RBMS3: variants seen among roughly 807,000 people sequenced by gnomAD.
The protein encoded by RBMS3 is RNA binding motif single stranded interacting protein 3.
RBMS3 carries 27 observed loss-of-function variants against 66.8 expected under a neutral mutation model. The ratio of observed to expected loss-of-function variants is 0.40; its 90% confidence interval spans 0.30 to 0.56. The LOEUF (loss-of-function observed/expected upper bound fraction) is 0.56. Among genes scored for constraint, RBMS3 ranks in the 20% least tolerant of loss-of-function variants. The probability of loss-of-function intolerance (pLI) is 0.40; values close to 1 mark genes in which losing one functional copy is unlikely to be tolerated. For missense variants in RBMS3, 513 were observed against 549.5 expected (o/e 0.93, Z 0.66); for synonymous variants, 188 against 183.0 (o/e 1.03, Z -0.22).
At chr3:29,368,056 C>T (rs13074905) in intron 1 of RBMS3, among the ~76,000 whole-genome samples, 64,901 of 151,978 alleles carry the variant, frequency 0.43, 14,517 homozygotes, top group Non-Finnish European at 0.49. Context: ...CTGTAACTAG[C>T]TCTTCACATC....
At chr3:29,944,531 T>G (rs1695166076) in intron 12 of RBMS3, among the ~76,000 whole-genome samples, 1 of 151,776 alleles carries the variant, frequency 6.6e-6, no homozygotes, top group African/African-American at 2.4e-5. Context: ...GAGTCTGTGT[T>G]CTGTGTATCA....
At chr3:29,992,274 C>A (rs929260207) in intron 14 of RBMS3, among the ~76,000 whole-genome samples, 1 of 151,918 alleles carries the variant, frequency 6.6e-6, no homozygotes, top group Admixed American at 6.6e-5. Context: ...AAAGTAATTG[C>A]GGTTTTTGCC....
intron 3 of RBMS3, among the ~76,000 whole-genome samples, chr3:29,509,721 C>A (rs1275578652): frequency 6.6e-6 from 1 of 152,128 alleles, no homozygotes; most frequent in African/African-American, 2.4e-5. Context: ...TCTGTTCTCC[C>A]AAAAGTATAC....
chr3:29,990,602 G>C (rs1698792090), intron 13 of RBMS3, among the ~76,000 whole-genome samples: 2 of 151,984 alleles, frequency 1.3e-5, no homozygotes, highest in African/African-American at 4.8e-5. Context: ...CAAATTACTG[G>C]AGAGAAAAAT....
chr3:29,667,850 A>T (rs1035432943), intron 4 of RBMS3, among the ~76,000 whole-genome samples: 1 of 152,186 alleles, frequency 6.6e-6, no homozygotes, highest in Non-Finnish European at 1.5e-5. Flanking sequence ...TGTCAGGATG[A>T]AAAATCATAT....
chr3:29,521,471 G>T (rs572838089), intron 3 of RBMS3, among the ~76,000 whole-genome samples: 1 of 152,304 alleles, frequency 6.6e-6, no homozygotes, highest in East Asian at 1.9e-4. Flanking sequence ...TGGGAATACA[G>T]CAGTAATCCT....
chr3:29,854,915 A>G (rs938750827), intron 6 of RBMS3, among the ~76,000 whole-genome samples: 1 of 152,156 alleles, frequency 6.6e-6, no homozygotes. Context: ...GATGCCTGCA[A>G]TTGACTGTAC....
chr3:29,320,936 T>TAA (rs527826804), intron 1 of RBMS3, among the ~76,000 whole-genome samples: 4 of 144,560 alleles, frequency 2.8e-5, no homozygotes, highest in Admixed American at 7.0e-5. Context: ...TTTGTGAATG[T>TAA]AAAAAAAAAA....
intron 6 of RBMS3, among the ~76,000 whole-genome samples, chr3:29,862,256 T>A (rs2059233898): frequency 6.6e-6 from 1 of 151,832 alleles, no homozygotes; most frequent in Non-Finnish European, 1.5e-5. Flanking sequence ...GGCCCAAGAG[T>A]CTACATTTCT....
chr3:29,649,019 G>A (rs76464562), intron 4 of RBMS3, among the ~76,000 whole-genome samples: 3,080 of 152,166 alleles, frequency 0.02, 41 homozygotes, highest in Admixed American at 0.029. Flanking sequence ...AACTAACATG[G>A]TAACTTTGTC....
At chr3:29,826,675 A>C (rs2149482081) in intron 6 of RBMS3, among the ~76,000 whole-genome samples, 1 of 152,236 alleles carries the variant, frequency 6.6e-6, no homozygotes, top group Middle Eastern at 3.4e-3. Flanking sequence ...CTAATTACTT[A>C]ACTTTTTCAG....
intron 4 of RBMS3, among the ~76,000 whole-genome samples, chr3:29,607,760 T>A (rs2149128187): frequency 6.6e-6 from 1 of 152,114 alleles, no homozygotes; most frequent in Non-Finnish European, 1.5e-5. Context: ...TATTCTCTGT[T>A]TAAAGTTCCC....
intron 12 of RBMS3, among the ~76,000 whole-genome samples, chr3:29,955,577 G>A (rs558882298): frequency 4.5e-4 from 69 of 152,006 alleles, no homozygotes; most frequent in Admixed American, 1.1e-3. Flanking sequence ...CACTGGACCC[G>A]TGAAACAGCT....
chr3:29,384,435 T>TAATAATAATAATAAGAAGAAGAAG (rs776357215), intron 1 of RBMS3, among the ~76,000 whole-genome samples: 152 of 141,098 alleles, frequency 1.1e-3, no homozygotes, highest in South Asian at 2.2e-3. Flanking sequence ...ATAATAATAA[T>TAATAATAATAATAAGAAGAAGAAG]AAGAAGAAGA....
rs538672497 is a variant in RBMS3 at position 29,353,805 on chromosome 3, A to T, written c.75+72049A>T. Among the ~76,000 whole-genome samples, 8 of 152,244 alleles carry T rather than the reference A, an allele frequency of 5.3e-5. No individual in the cohort carries two copies. The South Asian group carries it at 1.7e-3, about 32-fold the overall frequency. ...TCCAATTATAAACCAGGAAAAAGAG[A>T]GATCAACACTTGTATTTTAACACAT... On this transcript the variant is annotated intron_variant, in intron 1 of 14. Transcript: ENST00000383767.
chr3:29,296,751 G>C (rs2033295867), intron 1 of RBMS3, among the ~76,000 whole-genome samples: 1 of 151,714 alleles, frequency 6.6e-6, no homozygotes. Context: ...ATTTCTGATA[G>C]TAGTTAATCC....
intron 1 of RBMS3, among the ~76,000 whole-genome samples, chr3:29,365,812 T>C (rs1445786443): frequency 6.6e-6 from 1 of 152,228 alleles, no homozygotes; most frequent in African/African-American, 2.4e-5. Flanking sequence ...CCAATTTTTC[T>C]AGTTCCCTAA....
Position 29,884,469 on chromosome 3 carries a change from T to TCTCTCTCTAC in RBMS3, c.791+262_791+263insTCTCTCTACC, listed in dbSNP as rs1553692501. ...CTCTCTCTCTCTCTCTCTCTCTCTC[T>TCTCTCTCTAC]CCCCCCCCGCTCCCTCCCTCCCTCC... is the stretch of plus-strand genomic sequence containing the variant. On this transcript the variant is annotated intron_variant, in intron 8 of 14. Transcript: ENST00000383767. Among the ~76,000 whole-genome samples the TCTCTCTCTAC allele has an allele frequency of 3.9e-4, 26 of 66,350 alleles. 1 individual carries two copies. Among genetic ancestry groups the TCTCTCTCTAC allele is most frequent in the African/African-American group, 1.3e-3 (25 of 19,056 alleles). The allele number at this position is 66,350 out of a possible 152,430, so 43.5% of individuals were successfully genotyped here.
At chr3:29,641,646 AT>A (rs1369013996) in intron 4 of RBMS3, among the ~76,000 whole-genome samples, 1 of 152,096 alleles carries the variant, frequency 6.6e-6, no homozygotes, top group African/African-American at 2.4e-5. Context: ...TTTGAAAAAG[AT>A]TTGGCCACTT....
Sources: gnomAD v4.1 joint callset for allele counts (sites outside exome capture counted in the v4.1 genomes callset) on GRCh38, gnomAD v4.1.1 for gene constraint, MANE v1.5 for transcripts, NCBI Gene and HGNC (gene_info 2026-07-23, HGNC 2026-07-21) for gene names.